The following ITPRID1 variants were observed in gnomAD, a reference collection of about 807,000 sequenced individuals.
The protein encoded by ITPRID1 is protein ITPRID1.
ITPRID1 carries 96 observed loss-of-function variants against 95.4 expected under a neutral mutation model. That is an observed-to-expected ratio of 1.01 (90% CI 0.85 to 1.19). The LOEUF is 1.19. ITPRID1 is among the 50% of genes most tolerant of loss of function. The pLI, the probability that ITPRID1 is intolerant of heterozygous loss-of-function variation, is 0.00. For synonymous variants in ITPRID1, 510 were observed against 453.6 expected (o/e 1.12, Z -1.58); for missense variants, 1,339 against 1,252.9 (o/e 1.07, Z -1.04).
Position 31,564,866 on chromosome 7 carries a change from A to G in ITPRID1, c.257-4892A>G, listed in dbSNP as rs192520352. Among the ~76,000 whole-genome samples the G allele has an allele frequency of 2.0e-4, 31 of 152,250 alleles. No homozygotes were observed. In the East Asian group the frequency reaches 5.4e-3, roughly 27 times the overall value. Reference sequence around the variant, plus strand: ...TGGGCCGGGGCTGCTGGCTCTTCCAAGTTTTAAGGAAAGTCTAGCAACCCC... The same window carrying G: ...TGGGCCGGGGCTGCTGGCTCTTCCAGGTTTTAAGGAAAGTCTAGCAACCCC... On this transcript the variant is annotated intron_variant, in intron 5 of 14. Coordinates refer to ENST00000615280, the MANE Select transcript of ITPRID1 (RefSeq NM_001257967.3).
At chr7:31,545,008 G>A (rs1348309432) in intron 1 of ITPRID1, among the ~76,000 whole-genome samples, 2 of 152,102 alleles carry the variant, frequency 1.3e-5, no homozygotes, top group Admixed American at 6.6e-5. Context: ...CCTTCCAGGA[G>A]TTCATTTAGT....
At chr7:31,519,604 C>CTG (rs1562542967) in intron 1 of ITPRID1, among the ~76,000 whole-genome samples, 1 of 57,898 alleles carries the variant, frequency 1.7e-5, no homozygotes, top group Non-Finnish European at 3.4e-5. Flanking sequence ...CTCTCTCTCT[C>CTG]TCTCTCTCTC....
At chr7:31,658,124 T>C (rs1298136380), downstream of ITPRID1, 2 of 504,204 alleles carry the variant, frequency 4.0e-6, no homozygotes, top group African/African-American at 1.9e-5. Context: ...GACACAAAGA[T>C]GAAACCTTGA....
chr7:31,526,075 T>C (rs1042752653), intron 1 of ITPRID1, among the ~76,000 whole-genome samples: 1 of 152,160 alleles, frequency 6.6e-6, no homozygotes, highest in Non-Finnish European at 1.5e-5. Context: ...ACTCTGTCAA[T>C]AAACATGACA....
chr7:31,529,163 T>C (rs1783514998), intron 1 of ITPRID1, among the ~76,000 whole-genome samples: 1 of 152,186 alleles, frequency 6.6e-6, no homozygotes, highest in Non-Finnish European at 1.5e-5. Flanking sequence ...TTCAGGAGTA[T>C]GTATGTGTAT....
At chr7:31,573,404 A>C (rs915218794) in intron 7 of ITPRID1, among the ~76,000 whole-genome samples, 2 of 152,158 alleles carry the variant, frequency 1.3e-5, no homozygotes, top group Non-Finnish European at 2.9e-5. Flanking sequence ...AAATAATTAA[A>C]GAAAAAAAAG....
In ITPRID1 at chr7:31,623,504, G is replaced by C. The variant is rs886946627; in HGVS notation, c.1229-18672G>C. Among the ~76,000 whole-genome samples the C allele has an allele frequency of 1.4e-4, 21 of 151,606 alleles. 1 individual carries two copies. The East Asian group carries it at 1.6e-3, about 11-fold the overall frequency. ...CATAAACAGAACCAAAGACAAAAAT[G>C]ACACGATTATCTCAATAGATGCAGA... is the stretch of plus-strand genomic sequence containing the variant. On this transcript the variant is annotated intron_variant, in intron 10 of 14. Transcript: ENST00000615280.
At chr7:31,566,978 A>G (rs1336872883) in intron 5 of ITPRID1, among the ~76,000 whole-genome samples, 3 of 152,164 alleles carry the variant, frequency 2.0e-5, no homozygotes, top group South Asian at 2.1e-4. Context: ...CTCTTTTTAA[A>G]TTTATTTAAA....
chr7:31,588,340 A>T (rs1160798274), intron 10 of ITPRID1, among the ~76,000 whole-genome samples: 3 of 152,094 alleles, frequency 2.0e-5, no homozygotes, highest in Non-Finnish European at 4.4e-5. Context: ...AACAGAAAGT[A>T]GCAGTCTTGG....
At chr7:31,652,393 G>A (rs1019440727) in intron 14 of ITPRID1, 125 bp from the exon 15 acceptor site, 4 of 1,382,670 alleles carry the variant, frequency 2.9e-6, no homozygotes, top group Non-Finnish European at 3.8e-6. Flanking sequence ...AGAATCTGCT[G>A]CTGGCTCAAA....
intron 1 of ITPRID1, among the ~76,000 whole-genome samples, chr7:31,544,562 C>T (rs984343259): frequency 6.6e-6 from 1 of 151,980 alleles, no homozygotes; most frequent in Non-Finnish European, 1.5e-5. Flanking sequence ...TTTTTATACC[C>T]CCCTCAAATA....
chr7:31,515,387 C>T (rs1215183449), intron 1 of ITPRID1, among the ~76,000 whole-genome samples: 3 of 151,948 alleles, frequency 2.0e-5, no homozygotes, highest in Non-Finnish European at 2.9e-5. Flanking sequence ...ACCAGCCTGA[C>T]CAACATGGAG....
At chr7:31,557,783 T>A (rs549543500) in intron 5 of ITPRID1, among the ~76,000 whole-genome samples, 1 of 152,186 alleles carries the variant, frequency 6.6e-6, no homozygotes, top group East Asian at 1.9e-4. Flanking sequence ...ACCCAGTTAG[T>A]AGGTATTGGA....
intron 8 of ITPRID1, among the ~76,000 whole-genome samples, chr7:31,575,307 AAC>A (rs1785142256): frequency 6.6e-6 from 1 of 152,222 alleles, no homozygotes; most frequent in African/African-American, 2.4e-5. Context: ...TGAGATTTAG[AAC>A]ACTATCGTTT....
chr7:31,598,379 C>A (rs1165441221), intron 10 of ITPRID1, among the ~76,000 whole-genome samples: 1 of 146,726 alleles, frequency 6.8e-6, no homozygotes, highest in Non-Finnish European at 1.5e-5. Flanking sequence ...GCTAAAATAG[C>A]GAATTTCTTT....
chr7:31,584,253 T>G (rs922304626), intron 10 of ITPRID1, among the ~76,000 whole-genome samples: 1 of 152,240 alleles, frequency 6.6e-6, no homozygotes, highest in Non-Finnish European at 1.5e-5. Flanking sequence ...ACACATCTTT[T>G]TCATTACAAA....
intron 1 of ITPRID1, among the ~76,000 whole-genome samples, chr7:31,542,584 C>T (rs1026088903): frequency 6.6e-5 from 10 of 152,240 alleles, no homozygotes; most frequent in African/African-American, 2.4e-4. Flanking sequence ...GTGGACTAGA[C>T]TGCCTAAGGC....
chr7:31,640,210 T>G (rs939105521), intron 10 of ITPRID1, among the ~76,000 whole-genome samples: 3 of 152,218 alleles, frequency 2.0e-5, no homozygotes, highest in Admixed American at 2.0e-4. Context: ...CAATGTCCTG[T>G]GAAATAGGAG....
chr7:31,574,554 T>G lies in ITPRID1; in HGVS notation c.410T>G (p.Leu137Arg), dbSNP rs768859120. The G allele has an allele frequency of 1.9e-6, 3 of 1,613,112 alleles. No homozygotes were observed. The highest frequency in any genetic ancestry group is 2.2e-5 in the South Asian group (2 of 91,080). ...TTTTACCACAGCATTCCTGAATGGC[T>G]GGAATTTTGGGAGATAGATCCAGTG... ...ASVPQSIPEW[L>R]EFWEIDPVEI... The change falls in exon 8 of 15, where the codon CTG (leucine) becomes CGG (arginine). Residue 137 changes from leucine (L) to arginine (R), a missense_variant. Transcript: ENST00000615280.
Sources: gnomAD v4.1 joint callset for allele counts (sites outside exome capture counted in the v4.1 genomes callset) on GRCh38, gnomAD v4.1.1 for gene constraint, MANE v1.5 for transcripts, NCBI Gene and HGNC (gene_info 2026-07-23, HGNC 2026-07-21) for gene names.